Variants in DST observed in about 807,000 individuals in gnomAD.
The protein encoded by DST is bullous pemphigoid antigen.
A neutral mutation model predicts 875.2 loss-of-function variants in DST; 253 were observed. That is an observed-to-expected ratio of 0.29 (90% CI 0.26 to 0.32). The LOEUF is 0.32. Among genes scored for constraint, DST ranks in the 10% least tolerant of loss-of-function variants. The pLI, the probability that DST is intolerant of heterozygous loss-of-function variation, is 1.00. For missense variants in DST, 8,287 were observed against 9,111.6 expected, an observed-to-expected ratio of 0.91 and a Z score of 3.68; for synonymous variants, 3,124 against 3,197.1, an observed-to-expected ratio of 0.98 and a Z score of 0.77.
chr6:56,520,394 T>C (rs2096673345), intron 69 of DST, among the ~76,000 whole-genome samples: 1 of 152,104 alleles, frequency 6.6e-6, no homozygotes, highest in South Asian at 2.1e-4. Context: ...TGACAAAAGT[T>C]ACGGAGGGTA....
Position 56,497,410 on chromosome 6 carries a change from T to C in DST, c.20192A>G (p.Glu6731Gly). Residue 6731 changes from glutamate to glycine, a missense_variant, in exon 82 of 104, where the codon GAA (glutamate) becomes GGA (glycine). Around this residue, in one of 10 missense-constraint regions of DST, gnomAD observed 1,292 missense variants for 1,552.7 expected, o/e 0.83. Transcript: ENST00000680361. Reference sequence around the variant, plus strand: ...GACATTAAGCTGCTCCTTGGCTGTTTCCGGTAAACCTCCCAGCGGTTTAGA... The same window carrying C: ...GACATTAAGCTGCTCCTTGGCTGTTCCCGGTAAACCTCCCAGCGGTTTAGA... ...LASKPLGGLP[E>G]TAKEQLNVHM... The C allele has an allele frequency of 6.2e-7, 1 of 1,613,200 alleles. No individual in the cohort carries two copies. The highest frequency in any genetic ancestry group is 8.5e-7 in the Non-Finnish European group (1 of 1,179,372).
intron 4 of DST, among the ~76,000 whole-genome samples, chr6:56,845,457 C>A (rs1005340674): frequency 6.6e-6 from 1 of 152,210 alleles, no homozygotes; most frequent in African/African-American, 2.4e-5. Flanking sequence ...CAAAGCAAGA[C>A]CACATCTCTT....
chr6:56,795,525 G>T (rs2099738277), intron 4 of DST, among the ~76,000 whole-genome samples: 1 of 152,106 alleles, frequency 6.6e-6, no homozygotes, highest in Non-Finnish European at 1.5e-5. Context: ...AGAAATTTCA[G>T]CAATGAGAGA....
chr6:56,549,802 G>C (rs138369297), intron 61 of DST, among the ~76,000 whole-genome samples: 1,958 of 152,216 alleles, frequency 0.013, 33 homozygotes, highest in African/African-American at 0.044. Flanking sequence ...TCTAAATTAG[G>C]CTACAGCAAA....
chr6:56,689,214 A>C (rs184489337), intron 9 of DST, among the ~76,000 whole-genome samples: 1 of 152,262 alleles, frequency 6.6e-6, no homozygotes, highest in African/African-American at 2.4e-5. Context: ...TAGCATTATT[A>C]TTAGCAGTAG....
chr6:56,872,774 T>A (rs1228426582), intron 3 of DST, among the ~76,000 whole-genome samples: 3 of 151,150 alleles, frequency 2.0e-5, no homozygotes, highest in African/African-American at 7.3e-5. Context: ...ATAGAGTAAT[T>A]TAAAAATAAA....
intron 45 of DST, among the ~76,000 whole-genome samples, chr6:56,599,606 C>T (rs1489386917): frequency 6.6e-6 from 1 of 152,052 alleles, no homozygotes; most frequent in Non-Finnish European, 1.5e-5. Context: ...TGTCCTGACA[C>T]CAAAATAAAG....
At chr6:56,765,571 G>C (rs1452668469) in intron 4 of DST, among the ~76,000 whole-genome samples, 2 of 152,334 alleles carry the variant, frequency 1.3e-5, no homozygotes, top group East Asian at 3.9e-4. Context: ...AGATATGCAA[G>C]AGATTTCTGG....
chr6:56,584,507 G>T (rs1257406215), intron 49 of DST, among the ~76,000 whole-genome samples: 1 of 150,012 alleles, frequency 6.7e-6, no homozygotes, highest in Non-Finnish European at 1.5e-5. Context: ...AGGCCATGGG[G>T]TTTTCTAGAT....
At chr6:56,767,870 C>T (rs1387642325) in intron 4 of DST, among the ~76,000 whole-genome samples, 1 of 152,066 alleles carries the variant, frequency 6.6e-6, no homozygotes, top group Admixed American at 6.6e-5. Flanking sequence ...GGAAGAAAGA[C>T]ATTCAGATAA....
chr6:56,703,851 G>C, intron 6 of DST, 105 bp from the exon 7 acceptor site: 1 of 205,384 alleles, frequency 4.9e-6, no homozygotes, highest in African/African-American at 2.5e-5. Flanking sequence ...CAGGTAACAA[G>C]AAGGGGAAGT....
At chr6:56,879,333 C>T (rs961655501) in intron 3 of DST, among the ~76,000 whole-genome samples, 1 of 151,886 alleles carries the variant, frequency 6.6e-6, no homozygotes, top group Non-Finnish European at 1.5e-5. Context: ...TAGCCAGGAG[C>T]GGTGGCAGGC....
intron 80 of DST, among the ~76,000 whole-genome samples, chr6:56,500,284 T>C (rs953174055): frequency 6.6e-6 from 1 of 152,096 alleles, no homozygotes; most frequent in Non-Finnish European, 1.5e-5. Flanking sequence ...CTATGAAAGA[T>C]TGTTGAATGC....
chr6:56,693,778 C>A (rs1377229248), intron 9 of DST, among the ~76,000 whole-genome samples: 1 of 151,742 alleles, frequency 6.6e-6, no homozygotes, highest in Non-Finnish European at 1.5e-5. Context: ...TATTAAGACT[C>A]TTATTCAAAA....
At chr6:56,530,346 G>C (rs1314184392) in intron 64 of DST, among the ~76,000 whole-genome samples, 1 of 152,146 alleles carries the variant, frequency 6.6e-6, no homozygotes, top group Non-Finnish European at 1.5e-5. Flanking sequence ...TCAAGTTCCT[G>C]AATCTCATGA....
intron 5 of DST, among the ~76,000 whole-genome samples, chr6:56,723,410 C>T (rs1201348637): frequency 6.6e-6 from 1 of 152,010 alleles, no homozygotes; most frequent in Admixed American, 6.5e-5. Flanking sequence ...ACTAAAAATA[C>T]AAAATTAGCC....
intron 3 of DST, among the ~76,000 whole-genome samples, chr6:56,867,571 C>T (rs112757506): frequency 0.074 from 11,295 of 152,220 alleles, 598 homozygotes; most frequent in Non-Finnish European, 0.11. Flanking sequence ...CCTGTAATCC[C>T]AGCACTTTGG....
At chr6:56,499,771 T>A (rs1400029560) in intron 80 of DST, among the ~76,000 whole-genome samples, 1 of 152,150 alleles carries the variant, frequency 6.6e-6, no homozygotes, top group Non-Finnish European at 1.5e-5. Context: ...TTATACAAAG[T>A]TCCTATCCTG....
In DST at chr6:56,527,568, C is replaced by T. The variant is rs779751513; in HGVS notation, c.17847G>A (p.Val5949=). The T allele has an allele frequency of 2.5e-6, 4 of 1,613,732 alleles. No homozygotes were observed. Among genetic ancestry groups the T allele is most frequent in the African/African-American group, 1.3e-5 (1 of 74,934 alleles). ...TTTCATATGAAAGTAATTCCACCTC[C>T]ACTTTGTCCAGCCAGGTACACAGCT... The part of the protein sequence containing the change: ...HEELCTWLDK[V]EVELLSYETQ... The change falls in exon 68 of 104, where the codon GTG becomes GTA. Residue 5949 remains valine (V), a synonymous_variant. Transcript: ENST00000680361.
Sources: allele counts gnomAD v4.1 joint callset (sites outside exome capture counted in the v4.1 genomes callset), GRCh38; gene constraint gnomAD v4.1.1; regional missense constraint gnomAD v4.1.1; transcripts MANE v1.5; gene names NCBI Gene and HGNC (gene_info 2026-07-23, HGNC 2026-07-21).